ELP4: variants seen among roughly 807,000 people sequenced by gnomAD.
ELP4 encodes elongator complex protein 4.
ELP4 carries 51 observed loss-of-function variants against 48.9 expected under a neutral mutation model. The ratio of observed to expected loss-of-function variants is 1.04; its 90% CI spans 0.83 to 1.32. The LOEUF is 1.32. Ranked by LOEUF, ELP4 falls within the 40% of genes most tolerant of loss-of-function variation. The pLI, the probability that ELP4 is intolerant of heterozygous loss-of-function variation, is 0.00. For synonymous variants in ELP4, 210 were observed against 189.2 expected (o/e 1.11, Z -0.90); for missense variants, 519 against 514.6 (o/e 1.01, Z -0.08).
intron 2 of ELP4, among the ~76,000 whole-genome samples, chr11:31,536,695 AC>A (rs1403476639): frequency 6.6e-6 from 1 of 152,190 alleles, no homozygotes; most frequent in African/African-American, 2.4e-5. Context: ...TTGCATTGCA[AC>A]TAACAATGTT....
intron 9 of ELP4, among the ~76,000 whole-genome samples, chr11:31,696,159 C>G (rs953984978): frequency 6.6e-6 from 1 of 152,046 alleles, no homozygotes; most frequent in Non-Finnish European, 1.5e-5. Context: ...TTTTGTGTCT[C>G]TATCTCCTTC....
intron 9 of ELP4, among the ~76,000 whole-genome samples, chr11:31,730,979 AAAG>A (rs1474605199): frequency 2.9e-4 from 44 of 152,304 alleles, no homozygotes; most frequent in African/African-American, 1.1e-3. Flanking sequence ...TGAAAAAAAA[AAAG>A]AAGCCAGCAA....
intron 9 of ELP4, among the ~76,000 whole-genome samples, chr11:31,694,679 G>C (rs913969923): frequency 6.6e-6 from 1 of 152,062 alleles, no homozygotes; most frequent in Admixed American, 6.6e-5. Context: ...CTTTAAAGTA[G>C]TTTTTCTAAT....
chr11:31,779,678 G>C (rs1245384421), intron 9 of ELP4: 1 of 152,228 alleles, frequency 6.6e-6, no homozygotes, highest in Non-Finnish European at 1.5e-5. Flanking sequence ...ATCTGCCAGA[G>C]TGTTTTGCTA....
At chr11:31,650,397 G>T in intron 9 of ELP4, 176 bp downstream of exon 9, 2 of 411,038 alleles carry the variant, frequency 4.9e-6, no homozygotes, top group Non-Finnish European at 8.7e-6. Context: ...TTAGACTATT[G>T]TTTTATTTTT....
chr11:31,710,654 A>G (rs770889586), intron 9 of ELP4, among the ~76,000 whole-genome samples: 5 of 152,114 alleles, frequency 3.3e-5, no homozygotes, highest in Admixed American at 1.3e-4. Flanking sequence ...TGAAATAACT[A>G]AAACACAATA....
intron 9 of ELP4, among the ~76,000 whole-genome samples, chr11:31,759,594 A>G (rs527645704): frequency 6.6e-6 from 1 of 152,258 alleles, no homozygotes; most frequent in Admixed American, 6.5e-5. Flanking sequence ...AAAGTACAAA[A>G]CAGCCTGTTG....
chr11:31,627,740 A>C (rs531037319), intron 6 of ELP4, among the ~76,000 whole-genome samples: 61 of 152,260 alleles, frequency 4.0e-4, no homozygotes, highest in South Asian at 3.3e-3. Flanking sequence ...TGGTTAGTTT[A>C]GCTTAAACAA....
At chr11:31,645,638 T>C (rs1945183434) in intron 7 of ELP4, 2 of 151,768 alleles carry the variant, frequency 1.3e-5, no homozygotes, top group South Asian at 4.1e-4. Context: ...GGCTTAGTCT[T>C]TTATTTATAG....
chr11:31,606,949 G>C (rs573667195), intron 5 of ELP4, among the ~76,000 whole-genome samples: 1 of 152,164 alleles, frequency 6.6e-6, no homozygotes, highest in African/African-American at 2.4e-5. Flanking sequence ...ATGATGTTTG[G>C]AGATGGGGCC....
At chr11:31,674,552 C>T (rs1242492106) in intron 9 of ELP4, among the ~76,000 whole-genome samples, 2 of 152,138 alleles carry the variant, frequency 1.3e-5, no homozygotes, top group Admixed American at 6.5e-5. Context: ...ATTTGGAAAG[C>T]TGTGTTAAAA....
At chr11:31,586,528 G>A (rs1957476597) in intron 3 of ELP4, among the ~76,000 whole-genome samples, 1 of 152,144 alleles carries the variant, frequency 6.6e-6, no homozygotes, top group African/African-American at 2.4e-5. Flanking sequence ...TTTGTCCAAA[G>A]ACAGCAGAGC....
At chr11:31,518,726 C>G (rs571150596) in intron 1 of ELP4, among the ~76,000 whole-genome samples, 1 of 151,780 alleles carries the variant, frequency 6.6e-6, no homozygotes, top group South Asian at 2.1e-4. Flanking sequence ...GAAACCCCGT[C>G]TCTACTAAAA....
At position 31,559,317 on chromosome 11, in the gene ELP4, G is replaced by A. The variant is rs190239068; in HGVS notation, c.381+19534G>A. Among the ~76,000 whole-genome samples, 30 of 152,236 alleles carry A rather than the reference G, an allele frequency of 2.0e-4. 1 individual carries two copies. In the East Asian group the frequency reaches 4.8e-3, roughly 25 times the overall value. On this transcript the variant is annotated intron_variant, in intron 3 of 9. Coordinates refer to ENST00000640961, the MANE Select transcript of ELP4 (RefSeq NM_019040.5). The stretch of plus-strand genomic sequence containing the variant: ...GCAGCAAGTGGCCTTAGTTCACCAC[G>A]TCTGTCTTTTCAAATTATGATTTGT...
intron 3 of ELP4, among the ~76,000 whole-genome samples, chr11:31,546,576 C>G (rs1259333319): frequency 1.3e-5 from 2 of 152,068 alleles, no homozygotes; most frequent in Non-Finnish European, 2.9e-5. Flanking sequence ...GACAGATCAA[C>G]GAGACAGAAA....
intron 9 of ELP4, among the ~76,000 whole-genome samples, chr11:31,704,901 C>T (rs149367964): frequency 3.1e-4 from 47 of 151,580 alleles, no homozygotes; most frequent in African/African-American, 9.7e-4. Context: ...GTCCCAGCTA[C>T]TTGGGAGGCT....
chr11:31,690,108 G>A (rs990531906), intron 9 of ELP4, among the ~76,000 whole-genome samples: 3 of 152,092 alleles, frequency 2.0e-5, no homozygotes, highest in African/African-American at 4.8e-5. Flanking sequence ...ATTATTAGTT[G>A]ATTTTTTCAT....
At chr11:31,717,477 C>A (rs1014461140) in intron 9 of ELP4, among the ~76,000 whole-genome samples, 1 of 152,008 alleles carries the variant, frequency 6.6e-6, no homozygotes. Flanking sequence ...AATTTATGGC[C>A]AGGCACAATG....
chr11:31,518,625 G>A (rs1166185782), intron 1 of ELP4, among the ~76,000 whole-genome samples: 4 of 150,782 alleles, frequency 2.7e-5, no homozygotes, highest in Non-Finnish European at 4.4e-5. Context: ...GGCTGGGCAC[G>A]GTGGCTCACA....
Sources: allele counts gnomAD v4.1 joint callset (sites outside exome capture counted in the v4.1 genomes callset), GRCh38; gene constraint gnomAD v4.1.1; transcripts MANE v1.5; gene names NCBI Gene and HGNC (gene_info 2026-07-23, HGNC 2026-07-21).